The following GTF2F2 variants were observed in gnomAD, a reference collection of about 807,000 sequenced individuals.
GTF2F2 encodes the protein ATP-dependent helicase GTF2F2.
Under a neutral mutation model 42.2 loss-of-function variants are expected in GTF2F2, and 23 were observed. The ratio of observed to expected loss-of-function variants is 0.55; its 90% CI spans 0.39 to 0.77. The LOEUF (loss-of-function observed/expected upper bound fraction) is 0.77, where lower values mean the gene tolerates loss of function less well. GTF2F2 is among the 30% of genes least tolerant of loss of function. The probability of loss-of-function intolerance (pLI) is 0.00; values close to 1 mark genes in which losing one functional copy is unlikely to be tolerated. For missense variants in GTF2F2, 261 were observed against 287.2 expected (o/e 0.91, Z 0.66); for synonymous variants, 105 against 100.8 (o/e 1.04, Z -0.25).
At chr13:45,239,410 T>C (rs1481747666) in intron 5 of GTF2F2, among the ~76,000 whole-genome samples, 4 of 152,220 alleles carry the variant, frequency 2.6e-5, no homozygotes, top group Non-Finnish European at 5.9e-5. Context: ...GATATACTCT[T>C]CCTAAAGAAG....
intron 5 of GTF2F2, among the ~76,000 whole-genome samples, chr13:45,224,842 A>G (rs750748123): frequency 9.9e-5 from 15 of 152,246 alleles, no homozygotes; most frequent in Non-Finnish European, 1.6e-4. Flanking sequence ...TGTTGACAAC[A>G]TATCAAGATA....
intron 4 of GTF2F2, chr13:45,192,897 T>C (rs1251810203): frequency 6.6e-6 from 1 of 152,200 alleles, no homozygotes; most frequent in Non-Finnish European, 1.5e-5. Context: ...AGATACTCTA[T>C]TGAGACTAAG....
intron 5 of GTF2F2, among the ~76,000 whole-genome samples, chr13:45,211,063 C>A (rs1031690977): frequency 1.3e-5 from 2 of 152,134 alleles, no homozygotes; most frequent in Admixed American, 1.3e-4. Context: ...ATGGGAGATT[C>A]TTCTGGTTGG....
intron 5 of GTF2F2, among the ~76,000 whole-genome samples, chr13:45,218,115 C>G (rs1414967002): frequency 6.6e-6 from 1 of 152,188 alleles, no homozygotes; most frequent in Non-Finnish European, 1.5e-5. Flanking sequence ...GCCCCAAACA[C>G]AAAATTAAGG....
chr13:45,133,733 A>G (rs377766933), intron 1 of GTF2F2, among the ~76,000 whole-genome samples: 5 of 152,150 alleles, frequency 3.3e-5, no homozygotes, highest in Non-Finnish European at 5.9e-5. Context: ...ACCTGTTACA[A>G]TTTGATTAAC....
intron 5 of GTF2F2, among the ~76,000 whole-genome samples, chr13:45,245,695 A>ATATATG (rs1344981848): frequency 2.9e-5 from 2 of 69,904 alleles, no homozygotes; most frequent in Non-Finnish European, 5.3e-5. Context: ...ATATATATAT[A>ATATATG]TATATACATA....
At chr13:45,194,336 A>T in intron 4 of GTF2F2, 1 of 1,614,154 alleles carries the variant, frequency 6.2e-7, no homozygotes, top group Non-Finnish European at 8.5e-7. Context: ...CTGTCTATGA[A>T]ATAATGACCA....
rs141607496 is a variant in GTF2F2, at chr13:45,197,120, A to G, written c.305-10304A>G. Among the ~76,000 whole-genome samples the G allele has an allele frequency of 2.9e-3, 447 of 151,934 alleles. 2 individuals carry two copies. The highest frequency in any genetic ancestry group is 0.01 in the African/African-American group (422 of 41,436). On this transcript the variant is annotated intron_variant, in intron 4 of 7. Coordinates refer to ENST00000340473, the MANE Select transcript of GTF2F2 (RefSeq NM_004128.3). ...ACCCATGGCCTGGCAACAGTAGTAT[A>G]ACTGAAGCTTTGTCTTAGTGCCTGG...
At chr13:45,262,468 C>T (rs1876380882) in intron 6 of GTF2F2, among the ~76,000 whole-genome samples, 2 of 152,232 alleles carry the variant, frequency 1.3e-5, no homozygotes, top group South Asian at 4.1e-4. Context: ...CACTCCGTTG[C>T]CCAGGTTGGA....
At position 45,274,829 on chromosome 13, in the gene GTF2F2, G is replaced by A. The variant is rs375678011; in HGVS notation, c.630+7453G>A. 9.9e-5 allele frequency among the ~76,000 whole-genome samples: 15 copies of A among 151,828 alleles called. 1 individual carries two copies. The highest frequency in any genetic ancestry group is 1.5e-4 in the Non-Finnish European group (10 of 67,970). ...ATGGTGGCATGTGCCTATAGTTCCC[G>A]GCTACTTGGGAGGCAGAGGTTGTAG... On this transcript the variant is annotated intron_variant, in intron 7 of 7. Coordinates refer to ENST00000340473, the MANE Select transcript of GTF2F2 (RefSeq NM_004128.3).
chr13:45,279,013 G>A (rs750118088), intron 7 of GTF2F2, among the ~76,000 whole-genome samples: 6 of 151,790 alleles, frequency 4.0e-5, no homozygotes, highest in South Asian at 4.2e-4. Context: ...TGGTAGAGAC[G>A]AGGTTTCTCC....
At chr13:45,159,938 GA>G (rs896332383) in intron 4 of GTF2F2, among the ~76,000 whole-genome samples, 1 of 152,086 alleles carries the variant, frequency 6.6e-6, no homozygotes, top group African/African-American at 2.4e-5. Context: ...CTTTTTCATT[GA>G]ACTTTTTTTC....
intron 2 of GTF2F2, among the ~76,000 whole-genome samples, chr13:45,142,436 A>C (rs1869973962): frequency 6.6e-6 from 1 of 152,136 alleles, no homozygotes; most frequent in Non-Finnish European, 1.5e-5. Context: ...CCAAAGTGCT[A>C]GGATTACAGG....
At position 45,283,399 on chromosome 13, in the gene GTF2F2, G is replaced by A. The variant is rs776996134; in HGVS notation, c.631-43G>A. 3.2e-6 allele frequency: 5 copies of A among 1,562,974 alleles called. No individual in the cohort carries two copies. The East Asian group carries it at 9.1e-5, about 29-fold the overall frequency. ...CATCTTATTTTAAGTTTTGTCCCCT[G>A]CATTTATAATCTCATTTGTTAGGGG... On this transcript the variant is annotated intron_variant, in intron 7 of 7. Coordinates refer to ENST00000340473, the MANE Select transcript of GTF2F2 (RefSeq NM_004128.3).
chr13:45,157,902 C>G (rs1281831625), intron 4 of GTF2F2, among the ~76,000 whole-genome samples: 1 of 152,108 alleles, frequency 6.6e-6, no homozygotes, highest in African/African-American at 2.4e-5. Flanking sequence ...GGATTTGTTA[C>G]CTGAAACCAG....
intron 1 of GTF2F2, chr13:45,123,973 T>C (rs1039453864): frequency 2.5e-6 from 2 of 804,422 alleles, no homozygotes; most frequent in Non-Finnish European, 4.1e-6. Flanking sequence ...GTCTCTCTCT[T>C]CCTCTTGTTC....
At chr13:45,244,421 T>C (rs1875481463) in intron 5 of GTF2F2, among the ~76,000 whole-genome samples, 1 of 151,440 alleles carries the variant, frequency 6.6e-6, no homozygotes, top group African/African-American at 2.5e-5. Flanking sequence ...CAGCACATAG[T>C]AAGTGTTCTT....
chr13:45,162,613 A>G (rs1871092669), intron 4 of GTF2F2, among the ~76,000 whole-genome samples: 3 of 152,350 alleles, frequency 2.0e-5, no homozygotes, highest in South Asian at 2.1e-4. Flanking sequence ...GTGGCCAGAA[A>G]GAGATTTGTA....
chr13:45,194,344 CCAT>C (rs775630555), intron 4 of GTF2F2: 2 of 1,614,086 alleles, frequency 1.2e-6, no homozygotes, highest in Non-Finnish European at 1.7e-6. Flanking sequence ...GAAATAATGA[CCAT>C]CAGCATCAAA....
Sources: allele counts gnomAD v4.1 joint callset (sites outside exome capture counted in the v4.1 genomes callset), GRCh38; gene constraint gnomAD v4.1.1; transcripts MANE v1.5; gene names NCBI Gene and HGNC (gene_info 2026-07-23, HGNC 2026-07-21).